Variants in ATP2A1 observed in about 807,000 individuals in gnomAD.
ATP2A1 encodes ATPase sarcoplasmic/endoplasmic reticulum Ca2+ transporting 1.
ATP2A1 carries 83 observed loss-of-function variants against 109.5 expected under a neutral mutation model. That is an observed-to-expected ratio of 0.76 (90% CI 0.63 to 0.91). The LOEUF (loss-of-function observed/expected upper bound fraction) is 0.91, where lower values mean the gene tolerates loss of function less well. ATP2A1 is among the 40% of genes least tolerant of loss of function. The pLI, the probability that ATP2A1 is intolerant of heterozygous loss-of-function variation, is 0.00. For missense variants in ATP2A1, 1,101 were observed against 1,341.0 expected (o/e 0.82, Z 2.80); for synonymous variants, 505 against 537.6 (o/e 0.94, Z 0.84).
rs1481509714 is a variant in ATP2A1, at chr16:28,880,900, T to TC, written c.220-11dup. The TC allele has an allele frequency of 1.2e-6, 2 of 1,610,784 alleles. No individual in the cohort carries two copies. The highest frequency in any genetic ancestry group is 1.7e-6 in the Non-Finnish European group (2 of 1,176,928). On this transcript the variant is annotated splice_polypyrimidine_tract_variant and intron_variant, in intron 3 of 22. Transcript: ENST00000395503. This position sits in a 1 kb window ranked among gnomAD's most constrained non-coding sequence, Gnocchi z 4.2. The stretch of plus-strand genomic sequence containing the variant: ...GGCCTCATTACCTGTCATTCTCCTT[T>TC]CCCCTGCTCCCCAGGTGCTGGCCTG...
intron 5 of ATP2A1, 65 bp downstream of exon 5, chr16:28,882,654 G>A: frequency 1.3e-6 from 2 of 1,595,454 alleles, no homozygotes; most frequent in Non-Finnish European, 8.5e-7. Context: ...GAGATGCCGG[G>A]GGCTGGTCAG....
intron 9 of ATP2A1, among the ~76,000 whole-genome samples, chr16:28,891,296 C>T (rs978985083): frequency 4.8e-5 from 7 of 146,096 alleles, no homozygotes; most frequent in African/African-American, 7.6e-5. Context: ...AACTCCATCT[C>T]GAAAAAAAAT....
chr16:28,893,423 AG>A (rs1963830569), intron 9 of ATP2A1, among the ~76,000 whole-genome samples: 1 of 151,886 alleles, frequency 6.6e-6, no homozygotes, highest in Non-Finnish European at 1.5e-5. Flanking sequence ...AAAAAGAAAA[AG>A]AAAAAGTCAA....
intron 8 of ATP2A1, 61 bp downstream of exon 8, chr16:28,887,783 T>C: frequency 6.4e-7 from 1 of 1,563,882 alleles, no homozygotes; most frequent in South Asian, 1.1e-5. Context: ...ACCCCTTTTC[T>C]TTTCTTTTCT....
rs1398327400 is a variant in ATP2A1, at chr16:28,879,545, C to G, written c.181C>G (p.Leu61Val). ...GGTGATAGAGCAGTTTGAAGACCTC[C>G]TGGTGCGGATTCTCCTCCTGGCCGC... ...ELVIEQFEDLLVRILLLAACI... is the reference protein window; with the variant it reads ...ELVIEQFEDLVVRILLLAACI... The change falls in exon 3 of 23, where the codon CTG becomes GTG. Residue 61 changes from leucine to valine, a missense_variant. Coordinates refer to ENST00000395503, the MANE Select transcript of ATP2A1 (RefSeq NM_004320.6). The G allele has an allele frequency of 6.2e-7, 1 of 1,614,056 alleles. No homozygotes were observed. The highest frequency in any genetic ancestry group is 1.7e-5 in the Admixed American group (1 of 60,008).
Position 28,898,414 on chromosome 16 carries a change from T to C in ATP2A1, c.1727T>C (p.Met576Thr), listed in dbSNP as rs913968132. The C allele has an allele frequency of 1.9e-6, 3 of 1,614,088 alleles. No homozygotes were observed. Among genetic ancestry groups the C allele is most frequent in the Non-Finnish European group, 2.5e-6 (3 of 1,180,024 alleles). ...TRDTPPKREE[M>T]VLDDSARFLE... ...GACACCCCCCCGAAGCGAGAGGAAATGGTCCTGGATGACTCTGCCAGGTTC... is the reference window on the plus strand; with the variant it reads ...GACACCCCCCCGAAGCGAGAGGAAACGGTCCTGGATGACTCTGCCAGGTTC... The change falls in exon 14 of 23, where the codon ATG (methionine) becomes ACG (threonine). Residue 576 changes from methionine (M) to threonine (T), a missense_variant. Physicochemically the swap from Met to Thr is moderately conservative, Grantham distance 81. Coordinates refer to ENST00000395503, the MANE Select transcript of ATP2A1 (RefSeq NM_004320.6). This position sits in a 1 kb window ranked among gnomAD's most constrained non-coding sequence, Gnocchi z 4.0.
chr16:28,878,614 A>G lies in ATP2A1; in HGVS notation c.-58A>G. The G allele has an allele frequency of 7.0e-7, 1 of 1,429,328 alleles. No homozygotes were observed. Among genetic ancestry groups the G allele is most frequent in the East Asian group, 2.4e-5 (1 of 40,966 alleles). The allele number at this position is 1,429,328 out of a possible 1,614,324, so 88.5% of individuals were successfully genotyped here. ...TTGGACACACTGAGGAAGACCCCCCACGAGTGGGAACCCCCTGGAAGGAAC... is the reference window on the plus strand; with the variant it reads ...TTGGACACACTGAGGAAGACCCCCCGCGAGTGGGAACCCCCTGGAAGGAAC... On this transcript the variant is annotated 5_prime_UTR_variant, in exon 1 of 23. Transcript: ENST00000395503.
At chr16:28,879,666 C>A in intron 3 of ATP2A1, 83 bp downstream of exon 3, 1 of 1,453,528 alleles carries the variant, frequency 6.9e-7, no homozygotes, top group Non-Finnish European at 9.5e-7. Flanking sequence ...TCACTGGATC[C>A]TCCCGTCCGA....
rs1271358707 is a variant in ATP2A1 at position 28,894,577 on chromosome 16, C to T, written c.1257C>T (p.Leu419=). The change falls in exon 11 of 23, where the codon CTC becomes CTT. Residue 419 remains leucine (L), a synonymous_variant. Transcript: ENST00000395503. The part of the protein sequence containing the change: ...GLVELATICA[L]CNDSSLDFNE... ...TGGAGCTGGCCACCATCTGTGCCCT[C>T]TGCAATGACTCCTCCTTGGACTTCA... is the stretch of plus-strand genomic sequence containing the variant. The T allele has an allele frequency of 2.5e-6, 4 of 1,614,154 alleles. No homozygotes were observed. The Admixed American group carries it at 6.7e-5, about 27-fold the overall frequency.
Position 28,887,429 on chromosome 16 carries a change from C to T in ATP2A1, c.635C>T (p.Thr212Ile). Reference sequence around the variant, plus strand: ...GCCTCCTCTTTCCCTTCCCAGGGCACCAACATTGCAGCCGGCAAGGCCTTG... The same window carrying T: ...GCCTCCTCTTTCCCTTCCCAGGGCATCAACATTGCAGCCGGCAAGGCCTTG... ...QDKKNMLFSG[T>I]NIAAGKALGI... The change falls in exon 8 of 23, where the codon ACC becomes ATC. Residue 212 changes from threonine to isoleucine, a missense_variant. Physicochemically the swap from Thr to Ile is moderately conservative, Grantham distance 89. Coordinates refer to ENST00000395503, the MANE Select transcript of ATP2A1 (RefSeq NM_004320.6). 6.2e-7 allele frequency: 1 copy of T among 1,614,078 alleles called. No individual in the cohort carries two copies. Among genetic ancestry groups the T allele is most frequent in the Non-Finnish European group, 8.5e-7 (1 of 1,180,024 alleles).
At chr16:28,892,283 C>A in intron 9 of ATP2A1, 1 of 249,454 alleles carries the variant, frequency 4.0e-6, no homozygotes. Context: ...TCGTTTTTTT[C>A]TTGGCTATCT....
At chr16:28,888,036 C>T (rs1234358738) in intron 8 of ATP2A1, among the ~76,000 whole-genome samples, 2 of 152,070 alleles carry the variant, frequency 1.3e-5, no homozygotes, top group Non-Finnish European at 1.5e-5. Flanking sequence ...CTCCTGACCT[C>T]CTGATCTGCC....
intron 9 of ATP2A1, among the ~76,000 whole-genome samples, chr16:28,893,035 C>CAA (rs201849183): frequency 2.6e-5 from 3 of 114,710 alleles, no homozygotes; most frequent in Non-Finnish European, 3.8e-5. Flanking sequence ...ACTGCATCTC[C>CAA]AAAAAAAAAA....
At chr16:28,892,979 G>A (rs1963815174) in intron 9 of ATP2A1, among the ~76,000 whole-genome samples, 1 of 151,934 alleles carries the variant, frequency 6.6e-6, no homozygotes, top group African/African-American at 2.4e-5. Context: ...AGGAGGCGGA[G>A]GTTGCAGTTA....
At chr16:28,882,852 C>T (rs1167613922) in intron 5 of ATP2A1, among the ~76,000 whole-genome samples, 2 of 152,212 alleles carry the variant, frequency 1.3e-5, no homozygotes, top group Non-Finnish European at 2.9e-5. Flanking sequence ...CACTTGCACT[C>T]GCAGGCAACA....
intron 6 of ATP2A1, among the ~76,000 whole-genome samples, chr16:28,886,646 A>G (rs1057490958): frequency 6.6e-6 from 1 of 152,010 alleles, no homozygotes; most frequent in African/African-American, 2.4e-5. Context: ...TAGGTGATCA[A>G]ACACAGCTTG....
intron 3 of ATP2A1, 108 bp downstream of exon 3, chr16:28,879,691 A>C (rs1963398460): frequency 7.7e-6 from 10 of 1,302,054 alleles, no homozygotes; most frequent in Non-Finnish European, 1.1e-5. Flanking sequence ...CGAGCATCCC[A>C]TTGTACAGAC....
At chr16:28,901,004 G>A (rs1291968991) in intron 15 of ATP2A1, 88 bp downstream of exon 15, 1 of 1,529,032 alleles carries the variant, frequency 6.5e-7, no homozygotes, top group Non-Finnish European at 9.0e-7. Context: ...GGGCCAGAGG[G>A]CCCTGGTAAG....
In ATP2A1 at chr16:28,900,930, G is replaced by A. The variant is rs751245165; in HGVS notation, c.2100+14G>A. 2 of 1,613,864 alleles carry A rather than the reference G, an allele frequency of 1.2e-6. No homozygotes were observed. The highest frequency in any genetic ancestry group is 8.5e-7 in the Non-Finnish European group (1 of 1,179,830). On this transcript the variant is annotated intron_variant, in intron 15 of 22. Transcript: ENST00000395503. Reference sequence around the variant, plus strand: ...ATCACAGCCATGGTGAGAGGGCCCAGGCAGCTGCAGCCTTAGTGTCCACGG... The same window carrying A: ...ATCACAGCCATGGTGAGAGGGCCCAAGCAGCTGCAGCCTTAGTGTCCACGG...
Sources: gnomAD v4.1 joint callset for allele counts (sites outside exome capture counted in the v4.1 genomes callset) on GRCh38, gnomAD v4.1.1 for gene constraint, Gnocchi (gnomAD v3.1) non-coding constraint, MANE v1.5 for transcripts, NCBI Gene and HGNC (gene_info 2026-07-23, HGNC 2026-07-21) for gene names.